SPMIP3: variants seen among roughly 807,000 people sequenced by gnomAD.
SPMIP3 encodes protein SPMIP3.
the SPMIP3 span, among the ~76,000 whole-genome samples, chr1:244,367,925 A>T: frequency 6.6e-6 from 1 of 152,136 alleles, no homozygotes; most frequent in Non-Finnish European, 1.5e-5. Flanking sequence ...TCCGGGTTTC[A>T]GGAAGGAAAG....
the SPMIP3 span, among the ~76,000 whole-genome samples, chr1:244,353,562 C>T: frequency 2.0e-5 from 3 of 152,096 alleles, no homozygotes; most frequent in East Asian, 1.9e-4. Flanking sequence ...AACCAAAATG[C>T]GTAGGAGAAT....
the SPMIP3 span, among the ~76,000 whole-genome samples, chr1:244,356,918 C>CTTT: frequency 2.4e-3 from 252 of 103,746 alleles, 2 homozygotes; most frequent in East Asian, 6.7e-3. Context: ...TTTTCTTTTC[C>CTTT]TTTTTTTTTT....
chr1:244,372,002 G>A, the SPMIP3 span, among the ~76,000 whole-genome samples: 1 of 152,184 alleles, frequency 6.6e-6, no homozygotes, highest in Non-Finnish European at 1.5e-5. Context: ...GGTCGTCTTT[G>A]CACAGACAGA....
the SPMIP3 span, among the ~76,000 whole-genome samples, chr1:244,383,588 A>G: frequency 6.6e-6 from 1 of 152,222 alleles, no homozygotes; most frequent in Non-Finnish European, 1.5e-5. Flanking sequence ...AGGAGCATAT[A>G]GTAAGTCAGA....
the SPMIP3 span, among the ~76,000 whole-genome samples, chr1:244,354,615 C>T: frequency 6.6e-6 from 1 of 152,192 alleles, no homozygotes; most frequent in Non-Finnish European, 1.5e-5. Flanking sequence ...CCTGCCTTGG[C>T]CTTCCAAAGT....
At chr1:244,386,547 G>A in the SPMIP3 span, among the ~76,000 whole-genome samples, 1 of 152,138 alleles carries the variant, frequency 6.6e-6, no homozygotes, top group Non-Finnish European at 1.5e-5. Flanking sequence ...AGGATCATGA[G>A]GAGTTGCTGA....
At chr1:244,359,739 T>C in the SPMIP3 span, among the ~76,000 whole-genome samples, 1 of 150,608 alleles carries the variant, frequency 6.6e-6, no homozygotes, top group Non-Finnish European at 1.5e-5. Context: ...AATTAATTAA[T>C]TAATTAAAAT....
chr1:244,357,238 T>C, the SPMIP3 span, among the ~76,000 whole-genome samples: 5 of 68,626 alleles, frequency 7.3e-5, no homozygotes, highest in Non-Finnish European at 2.0e-4. Flanking sequence ...TTGAAACAAA[T>C]ATAAACAAGA....
the SPMIP3 span, among the ~76,000 whole-genome samples, chr1:244,374,091 C>A: frequency 6.6e-6 from 1 of 151,890 alleles, no homozygotes; most frequent in Non-Finnish European, 1.5e-5. Flanking sequence ...CCAGCCTGGG[C>A]GACAGAGTGA....
At chr1:244,380,848 T>G in the SPMIP3 span, among the ~76,000 whole-genome samples, 2 of 149,824 alleles carry the variant, frequency 1.3e-5, no homozygotes, top group East Asian at 2.0e-4. Context: ...AGGTGGATCT[T>G]GGGGGAGTTG....
the SPMIP3 span, among the ~76,000 whole-genome samples, chr1:244,364,122 T>C: frequency 6.6e-6 from 1 of 151,904 alleles, no homozygotes; most frequent in Non-Finnish European, 1.5e-5. Flanking sequence ...TCTTTTTTTT[T>C]TTGACGGAGT....
chr1:244,355,333 C>T, the SPMIP3 span, among the ~76,000 whole-genome samples: 14 of 152,100 alleles, frequency 9.2e-5, no homozygotes, highest in African/African-American at 2.9e-4. Flanking sequence ...TTTTCAAAAT[C>T]GCTTCAGCTA....
chr1:244,361,820 G>C, the SPMIP3 span, among the ~76,000 whole-genome samples: 2 of 152,172 alleles, frequency 1.3e-5, no homozygotes, highest in Admixed American at 6.5e-5. Context: ...TGTCTTCAAA[G>C]GGATAGTGGG....
the SPMIP3 span, among the ~76,000 whole-genome samples, chr1:244,386,466 T>C: frequency 6.6e-6 from 1 of 152,248 alleles, no homozygotes. Flanking sequence ...ACACCCACTG[T>C]TCTCACAACA....
At chr1:244,358,035 C>T in the SPMIP3 span, among the ~76,000 whole-genome samples, 1 of 151,970 alleles carries the variant, frequency 6.6e-6, no homozygotes, top group Non-Finnish European at 1.5e-5. Flanking sequence ...CCAGCCTAGC[C>T]AACATGGTGA....
chr1:244,353,944 G>A, the SPMIP3 span, among the ~76,000 whole-genome samples: 1 of 152,238 alleles, frequency 6.6e-6, no homozygotes, highest in South Asian at 2.1e-4. Context: ...CAATCCCAAA[G>A]CACTTCCCCA....
At chr1:244,353,401 C>G in the SPMIP3 span, among the ~76,000 whole-genome samples, 1 of 152,184 alleles carries the variant, frequency 6.6e-6, no homozygotes, top group African/African-American at 2.4e-5. Flanking sequence ...CAAACAACAA[C>G]AACAACAACA....
chr1:244,363,032 CAT>C, the SPMIP3 span, among the ~76,000 whole-genome samples: 1 of 126,650 alleles, frequency 7.9e-6, no homozygotes, highest in African/African-American at 2.8e-5. Flanking sequence ...TTGTATTTTT[CAT>C]AGAGTTGGGG....
At chr1:244,374,254 C>T in the SPMIP3 span, among the ~76,000 whole-genome samples, 1 of 152,118 alleles carries the variant, frequency 6.6e-6, no homozygotes, top group African/African-American at 2.4e-5. Flanking sequence ...CCTCTTCTTA[C>T]GTTCACCCCA....
Sources: allele counts gnomAD v4.1 joint callset (sites outside exome capture counted in the v4.1 genomes callset), GRCh38; gene constraint gnomAD v4.1.1; transcripts MANE v1.5; gene names NCBI Gene and HGNC (gene_info 2026-07-23, HGNC 2026-07-21).